Variants in TNNI3K observed in about 807,000 individuals in gnomAD.
TNNI3K encodes the protein serine/threonine-protein kinase TNNI3K.
Under a neutral mutation model 114.5 loss-of-function variants are expected in TNNI3K, and 140 were observed. That is an observed-to-expected ratio of 1.22 (90% confidence interval 1.07 to 1.41). TNNI3K has a LOEUF of 1.41. Ranked by LOEUF, TNNI3K falls within the 40% of genes most tolerant of loss-of-function variation. The probability of loss-of-function intolerance (pLI) is 0.00; values close to 1 mark genes in which losing one functional copy is unlikely to be tolerated. For synonymous variants in TNNI3K, 347 were observed against 347.5 expected, an observed-to-expected ratio of 1.00 and a Z score of 0.02; for missense variants, 1,125 against 1,007.6, an observed-to-expected ratio of 1.12 and a Z score of -1.58.
intron 23 of TNNI3K, among the ~76,000 whole-genome samples, chr1:74,533,905 A>C (rs1243740289): frequency 1.3e-5 from 2 of 152,196 alleles, no homozygotes; most frequent in African/African-American, 4.8e-5. Flanking sequence ...GTTTTAGTAG[A>C]AAGAGTATGG....
intron 23 of TNNI3K, among the ~76,000 whole-genome samples, chr1:74,515,941 G>A (rs984165): frequency 0.082 from 12,414 of 152,172 alleles, 1,120 homozygotes; most frequent in African/African-American, 0.22. Context: ...AGGTTCTGAT[G>A]TCTGACTCAG....
At position 74,265,638 on chromosome 1, in the gene TNNI3K, A is replaced by G. The variant is rs574317834; in HGVS notation, c.334-5960A>G. 2.0e-5 allele frequency among the ~76,000 whole-genome samples: 3 copies of G among 152,182 alleles called. No homozygotes were observed. The East Asian group carries it at 5.8e-4, about 29-fold the overall frequency. On this transcript the variant is annotated intron_variant, in intron 4 of 24. Transcript: ENST00000326637. ...ATTACCTATATGTAGAATTAGATCA[A>G]TAGTGTACATAATAACAATTATTAT...
chr1:74,533,487 T>G (rs1193924921), intron 23 of TNNI3K, among the ~76,000 whole-genome samples: 1 of 152,096 alleles, frequency 6.6e-6, no homozygotes, highest in Non-Finnish European at 1.5e-5. Context: ...GTTCAACCAT[T>G]GTGGAAGTCA....
chr1:74,520,793 TG>T lies in TNNI3K; in HGVS notation c.2352-19438del, dbSNP rs555673140. ...ACAGTCCCCTTTGAGTTGCAACATGTGGGTTGCAGCTGGGGTGGGTGTAACA... is the reference window on the plus strand; with the variant it reads ...ACAGTCCCCTTTGAGTTGCAACATGTGGTTGCAGCTGGGGTGGGTGTAACA... On this transcript the variant is annotated intron_variant, in intron 23 of 24. Coordinates refer to ENST00000326637, the MANE Select transcript of TNNI3K (RefSeq NM_015978.3). 7.4e-4 allele frequency among the ~76,000 whole-genome samples: 113 copies of T among 152,072 alleles called. 1 individual carries two copies. The highest frequency in any genetic ancestry group is 2.2e-4 in the Non-Finnish European group (15 of 68,002).
intron 4 of TNNI3K, among the ~76,000 whole-genome samples, chr1:74,264,959 C>A (rs1042933985): frequency 6.6e-6 from 1 of 151,780 alleles, no homozygotes; most frequent in Non-Finnish European, 1.5e-5. Context: ...TATTATATTT[C>A]TTTTTATAAA....
intron 23 of TNNI3K, among the ~76,000 whole-genome samples, chr1:74,525,484 T>C (rs1375997539): frequency 1.3e-5 from 2 of 152,128 alleles, no homozygotes; most frequent in Non-Finnish European, 2.9e-5. Flanking sequence ...CTTGGCCAAC[T>C]GCATAGAACA....
intron 9 of TNNI3K, among the ~76,000 whole-genome samples, chr1:74,352,011 G>A (rs557506612): frequency 6.6e-6 from 1 of 152,240 alleles, no homozygotes; most frequent in African/African-American, 2.4e-5. Context: ...TTGCTGGTGA[G>A]GAGCTGTGTT....
intron 23 of TNNI3K, among the ~76,000 whole-genome samples, chr1:74,498,393 G>T (rs534051897): frequency 6.9e-4 from 105 of 152,148 alleles, no homozygotes; most frequent in African/African-American, 2.4e-3. Flanking sequence ...TCTGTGCCAC[G>T]TTATAATTCA....
intron 23 of TNNI3K, among the ~76,000 whole-genome samples, chr1:74,523,374 C>G (rs1340881033): frequency 6.6e-6 from 1 of 152,062 alleles, no homozygotes; most frequent in Non-Finnish European, 1.5e-5. Context: ...TCTAAGAGAA[C>G]AAGCAATTTT....
At chr1:74,379,973 A>G (rs1663115968) in intron 17 of TNNI3K, among the ~76,000 whole-genome samples, 2 of 152,130 alleles carry the variant, frequency 1.3e-5, no homozygotes, top group African/African-American at 4.8e-5. Flanking sequence ...CTCTTACTTA[A>G]CACCCCATTA....
At chr1:74,311,455 G>C (rs1416004185) in intron 5 of TNNI3K, among the ~76,000 whole-genome samples, 3 of 152,222 alleles carry the variant, frequency 2.0e-5, no homozygotes, top group Admixed American at 6.5e-5. Context: ...TAATGAACTA[G>C]GGCTAGGATT....
intron 2 of TNNI3K, among the ~76,000 whole-genome samples, chr1:74,243,649 G>C (rs1654380555): frequency 6.6e-6 from 1 of 152,042 alleles, no homozygotes; most frequent in Non-Finnish European, 1.5e-5. Context: ...AAGTTTAATT[G>C]GATCACAAAA....
chr1:74,462,494 G>C (rs1667492527), intron 20 of TNNI3K, among the ~76,000 whole-genome samples: 1 of 152,146 alleles, frequency 6.6e-6, no homozygotes, highest in South Asian at 2.1e-4. Context: ...GCTAAAGAGA[G>C]CATGGATTTT....
At chr1:74,240,545 T>C (rs1442344868) in intron 2 of TNNI3K, 1 of 152,206 alleles carries the variant, frequency 6.6e-6, no homozygotes, top group Admixed American at 6.6e-5. Flanking sequence ...TTCATAATCT[T>C]GGTTATGAAT....
intron 17 of TNNI3K, among the ~76,000 whole-genome samples, chr1:74,400,426 C>T (rs910365699): frequency 5.3e-5 from 8 of 152,292 alleles, no homozygotes; most frequent in Middle Eastern, 3.4e-3. Context: ...TCCAAATTTT[C>T]GGTACTAGCT....
chr1:74,273,765 T>C (rs1332300144), intron 5 of TNNI3K, among the ~76,000 whole-genome samples: 1 of 151,962 alleles, frequency 6.6e-6, no homozygotes, highest in Admixed American at 6.6e-5. Context: ...ATTTTCCTCA[T>C]TAGCTGATAT....
chr1:74,334,019 G>A (rs1660345724), intron 6 of TNNI3K, among the ~76,000 whole-genome samples: 1 of 152,120 alleles, frequency 6.6e-6, no homozygotes, highest in Admixed American at 6.5e-5. Context: ...TCCAAGTTGG[G>A]GCTACCACTT....
chr1:74,528,634 AGTCAACTCTGTTG>A (rs1303171223), intron 23 of TNNI3K, among the ~76,000 whole-genome samples: 1 of 152,208 alleles, frequency 6.6e-6, no homozygotes, highest in East Asian at 1.9e-4. Context: ...TGAAAACTAG[AGTCAACTCTGTTG>A]GTTGGTTTGG....
chr1:74,376,892 G>C (rs1020852903), intron 17 of TNNI3K: 1 of 142,638 alleles, frequency 7.0e-6, no homozygotes, highest in Non-Finnish European at 1.6e-5. Flanking sequence ...TTGGGCCTGA[G>C]AATCTACACT....
Sources: gnomAD v4.1 joint callset for allele counts (sites outside exome capture counted in the v4.1 genomes callset) on GRCh38, gnomAD v4.1.1 for gene constraint, MANE v1.5 for transcripts, NCBI Gene and HGNC (gene_info 2026-07-23, HGNC 2026-07-21) for gene names.